The following TTC39B variants were observed in gnomAD, a reference collection of about 807,000 sequenced individuals.
The protein encoded by TTC39B is tetratricopeptide repeat protein 39B.
In TTC39B, 92 loss-of-function variants were observed where a neutral mutation model predicts 96.6. That is an observed-to-expected ratio of 0.95 (90% confidence interval 0.80 to 1.13). The LOEUF (loss-of-function observed/expected upper bound fraction) is 1.13, where lower values mean the gene tolerates loss of function less well. Ranked by LOEUF, TTC39B falls within the 50% of genes most tolerant of loss-of-function variation. The pLI is 0.00. For synonymous variants in TTC39B, 367 were observed against 299.4 expected, an observed-to-expected ratio of 1.23 and a Z score of -2.33; for missense variants, 955 against 809.3, an observed-to-expected ratio of 1.18 and a Z score of -2.18.
chr9:15,200,980 AGAGCGAGACTCC>A (rs1819504607), intron 7 of TTC39B, among the ~76,000 whole-genome samples: 1 of 152,328 alleles, frequency 6.6e-6, no homozygotes, highest in African/African-American at 2.4e-5. Flanking sequence ...GCCTGGTGAC[AGAGCGAGACTCC>A]ATCTCAAAAC....
At chr9:15,227,413 A>T (rs1821185235) in intron 2 of TTC39B, among the ~76,000 whole-genome samples, 1 of 152,006 alleles carries the variant, frequency 6.6e-6, no homozygotes, top group Admixed American at 6.5e-5. Context: ...AATATTTTAC[A>T]CTAGACATTC....
intron 2 of TTC39B, among the ~76,000 whole-genome samples, chr9:15,243,079 G>A (rs1822115785): frequency 1.3e-5 from 2 of 152,178 alleles, no homozygotes; most frequent in African/African-American, 4.8e-5. Flanking sequence ...CAACAGGATG[G>A]GGCCCTCTAC....
Position 15,192,773 on chromosome 9 carries a change from T to A in TTC39B, c.825-78A>T, listed in dbSNP as rs7871928. ...AATATTAAATCAAATTTTACACTTA[T>A]GTGCTATAAAATAAATGTCATTAAT... On this transcript the variant is annotated intron_variant, in intron 8 of 19. Transcript: ENST00000512701. The A allele has an allele frequency of 4.2e-5, 41 of 965,282 alleles. No homozygotes were observed. The East Asian group carries it at 1.0e-3, about 24-fold the overall frequency. The allele number at this position is 965,282 out of a possible 1,614,324, so 59.8% of individuals were successfully genotyped here.
chr9:15,274,942 T>C (rs1823484259), intron 1 of TTC39B, among the ~76,000 whole-genome samples: 1 of 152,196 alleles, frequency 6.6e-6, no homozygotes, highest in Non-Finnish European at 1.5e-5. Context: ...TCAGTTGAGA[T>C]TAAAAATAAT....
At chr9:15,176,999 A>T (rs750564201) in intron 18 of TTC39B, among the ~76,000 whole-genome samples, 1 of 152,202 alleles carries the variant, frequency 6.6e-6, no homozygotes, top group Non-Finnish European at 1.5e-5. Context: ...CCCTTTGCCA[A>T]AAGAGAGACA....
In TTC39B at chr9:15,225,914, G is replaced by C. The variant is rs1821096952; in HGVS notation, c.371+3C>G. On this transcript the variant is annotated splice_donor_region_variant and intron_variant, in intron 3 of 19. Transcript: ENST00000512701. ...CCCAGGAATGCCCACAACCCTTCCT[G>C]ACCTGCTGACAGTAGACGCTCCGCG... 1 of 1,613,216 alleles carries C rather than the reference G, an allele frequency of 6.2e-7. No homozygotes were observed. The highest frequency in any genetic ancestry group is 8.5e-7 in the Non-Finnish European group (1 of 1,179,494).
At position 15,272,107 on chromosome 9, in the gene TTC39B, C is replaced by CT. The variant is rs544193314; in HGVS notation, c.241-4160dup. On this transcript the variant is annotated intron_variant, in intron 1 of 19. Transcript: ENST00000512701. ...CCTCCTGTCTGTCTTGGTCCCCACACTCAGTTCAAATTCTATCCCTTTTCT... is the reference window on the plus strand; with the variant it reads ...CCTCCTGTCTGTCTTGGTCCCCACACTTCAGTTCAAATTCTATCCCTTTTCT... Among the ~76,000 whole-genome samples, 857 of 152,304 alleles carry CT rather than the reference C, an allele frequency of 5.6e-3. 7 individuals carry two copies. Among genetic ancestry groups the CT allele is most frequent in the South Asian group, 0.023 (110 of 4,822 alleles).
chr9:15,215,873 A>C (rs577469971), intron 3 of TTC39B, among the ~76,000 whole-genome samples: 14 of 152,192 alleles, frequency 9.2e-5, no homozygotes, highest in East Asian at 5.8e-4. Flanking sequence ...CAAAAACTAA[A>C]TAAATAAATA....
At chr9:15,210,231 T>C (rs1586879348) in intron 5 of TTC39B, 67 bp from the exon 6 acceptor site, 1 of 1,107,296 alleles carries the variant, frequency 9.0e-7, no homozygotes, top group African/African-American at 1.6e-5. Flanking sequence ...CTCATTTTCA[T>C]TTGACGTTCA....
At chr9:15,271,582 C>T (rs767729835) in intron 1 of TTC39B, among the ~76,000 whole-genome samples, 1 of 152,094 alleles carries the variant, frequency 6.6e-6, no homozygotes, top group South Asian at 2.1e-4. Flanking sequence ...CTCACGCCAC[C>T]GCTGATCTAA....
intron 3 of TTC39B, among the ~76,000 whole-genome samples, chr9:15,215,043 C>G (rs1029371650): frequency 6.6e-6 from 1 of 152,084 alleles, no homozygotes; most frequent in Non-Finnish European, 1.5e-5. Context: ...TGCTTGAGGC[C>G]GGGAGCTCAA....
intron 16 of TTC39B, among the ~76,000 whole-genome samples, chr9:15,184,068 A>T (rs371417120): frequency 2.6e-5 from 4 of 152,196 alleles, no homozygotes; most frequent in Non-Finnish European, 5.9e-5. Context: ...CAACAACCCA[A>T]TGAAAAATTA....
intron 8 of TTC39B, among the ~76,000 whole-genome samples, chr9:15,197,665 A>G (rs1284120959): frequency 6.6e-6 from 1 of 152,196 alleles, no homozygotes; most frequent in Non-Finnish European, 1.5e-5. Flanking sequence ...TATGACCACA[A>G]ATTTCTCAAA....
At chr9:15,240,000 TA>T (rs1821967572) in intron 2 of TTC39B, among the ~76,000 whole-genome samples, 1 of 152,180 alleles carries the variant, frequency 6.6e-6, no homozygotes, top group Admixed American at 6.5e-5. Flanking sequence ...ATTAGCTACA[TA>T]GACAACATTT....
At chr9:15,164,221 T>G (rs1330765322) in exon 20 of TTC39B, 1 of 152,174 alleles carries the variant, frequency 6.6e-6, no homozygotes. Flanking sequence ...TGGGAAAGAT[T>G]GGAGACTAAA....
chr9:15,250,367 T>G (rs530739308), intron 2 of TTC39B, among the ~76,000 whole-genome samples: 125 of 152,106 alleles, frequency 8.2e-4, no homozygotes, highest in African/African-American at 2.9e-3. Flanking sequence ...TCATGATTTT[T>G]CACCTAATCC....
chr9:15,254,715 T>C (rs536635805), intron 2 of TTC39B, among the ~76,000 whole-genome samples: 3 of 152,186 alleles, frequency 2.0e-5, no homozygotes, highest in African/African-American at 7.2e-5. Context: ...ATAAAATTAT[T>C]TTAATCAAAG....
exon 20 of TTC39B, chr9:15,163,837 A>T (rs1386557856): frequency 6.6e-6 from 1 of 152,218 alleles, no homozygotes; most frequent in Non-Finnish European, 1.5e-5. Context: ...TTCTAAGATG[A>T]CATCTGTTTT....
intron 6 of TTC39B, among the ~76,000 whole-genome samples, chr9:15,209,755 T>TA (rs1820083762): frequency 6.6e-6 from 1 of 152,188 alleles, no homozygotes; most frequent in Admixed American, 6.5e-5. Context: ...ACACAGCTGT[T>TA]AAACACTCAC....
Sources: gnomAD v4.1 joint callset for allele counts (sites outside exome capture counted in the v4.1 genomes callset) on GRCh38, gnomAD v4.1.1 for gene constraint, MANE v1.5 for transcripts, NCBI Gene and HGNC (gene_info 2026-07-23, HGNC 2026-07-21) for gene names.